MEX3C: variants seen among roughly 807,000 people sequenced by gnomAD.
MEX3C encodes the protein mex-3 RNA binding family member C, also known as RNA-binding E3 ubiquitin-protein ligase MEX3C.
MEX3C carries 15 observed loss-of-function variants against 35.5 expected under a neutral mutation model. The ratio of observed to expected loss-of-function variants is 0.42; its 90% CI spans 0.28 to 0.65. The LOEUF is 0.65. MEX3C is among the 30% of genes least tolerant of loss of function. The pLI, the probability that MEX3C is intolerant of heterozygous loss-of-function variation, is 0.20. For missense variants in MEX3C, 711 were observed against 842.8 expected (o/e 0.84, Z 1.94); for synonymous variants, 390 against 352.8 (o/e 1.11, Z -1.18).
At chr18:51,190,403 G>A (rs1235160790) in intron 1 of MEX3C, among the ~76,000 whole-genome samples, 8 of 152,180 alleles carry the variant, frequency 5.3e-5, no homozygotes, top group Non-Finnish European at 1.0e-4. Flanking sequence ...TTTTCTAGTT[G>A]TTTGAAGCCA....
At chr18:51,194,527 A>G in intron 1 of MEX3C, 1 of 151,936 alleles carries the variant, frequency 6.6e-6, no homozygotes, top group East Asian at 1.9e-4. Context: ...ACTGATTTCT[A>G]TAAAGATTAA....
At chr18:51,188,864 G>A (rs1912595297) in intron 1 of MEX3C, among the ~76,000 whole-genome samples, 1 of 152,166 alleles carries the variant, frequency 6.6e-6, no homozygotes, top group Non-Finnish European at 1.5e-5. Flanking sequence ...AGTGATACAT[G>A]TTCATGTACA....
Position 51,196,980 on chromosome 18 carries a change from T to C in MEX3C, c.341A>G (p.Glu114Gly). The C allele has an allele frequency of 6.5e-7, 1 of 1,535,470 alleles. No homozygotes were observed. ...AELELEEDEE[E>G]GEEAELDGDL... The stretch of plus-strand genomic sequence containing the variant: ...TCCGTCCAGCTCCGCTTCCTCCCCC[T>C]CCTCCTCGTCCTCTTCCAGCTCCAG... Residue 114 changes from glutamate to glycine, a missense_variant, in exon 1 of 2, where the codon GAG (glutamate) becomes GGG (glycine). Glu to Gly is a moderately conservative substitution (Grantham distance 98). This residue lies in a region of MEX3C where 354 missense variants were observed against 311.6 expected (regional missense o/e 1.14). Transcript: ENST00000406189.
Position 51,196,800 on chromosome 18 carries a change from G to C in MEX3C, c.521C>G (p.Ala174Gly). 1 of 1,530,940 alleles carries C rather than the reference G, an allele frequency of 6.5e-7. No homozygotes were observed. The highest frequency in any genetic ancestry group is 8.7e-7 in the Non-Finnish European group (1 of 1,144,264). The allele number at this position is 1,530,940 out of a possible 1,614,324, so 94.8% of individuals were successfully genotyped here. A position where few individuals can be genotyped will look rare whatever the true frequency, so the allele number is the denominator to read the frequency against. ...SVLLPAARFD[A>G]REAAAAAAAA... is the part of the protein sequence containing the mutation. ...CGCCGCCGCGGCCGCCGCCTCCCGG[G>C]CATCGAACCTGGCGGCTGGCAGCAG... Residue 174 changes from alanine to glycine, a missense_variant, in exon 1 of 2, where the codon GCC becomes GGC. Physicochemically the swap from Ala to Gly is moderately conservative, Grantham distance 60 (BLOSUM62 0). Coordinates refer to ENST00000406189, the MANE Select transcript of MEX3C (RefSeq NM_016626.5).
At position 51,196,646 on chromosome 18, in the gene MEX3C, G is replaced by A; in HGVS notation, c.675C>T (p.Leu225=). 1 of 1,575,982 alleles carries A rather than the reference G, an allele frequency of 6.3e-7. No homozygotes were observed. The highest frequency in any genetic ancestry group is 1.1e-5 in the South Asian group (1 of 87,130). Reference sequence around the variant, plus strand: ...CGGTGGTGTTGACGCTCTTTCTCCGGAGCAGGGCCGCCTGCTCCCCGTTCA... The same window carrying A: ...CGGTGGTGTTGACGCTCTTTCTCCGAAGCAGGGCCGCCTGCTCCCCGTTCA... ...AALNGEQAAL[L]RRKSVNTTEC... is the part of the protein sequence containing the mutation. Residue 225 remains leucine (L), a synonymous_variant, in exon 1 of 2, where the codon CTC becomes CTT. Transcript: ENST00000406189.
At position 51,176,681 on chromosome 18, in the gene MEX3C, C is replaced by T. The variant is rs749381108; in HGVS notation, c.1650G>A (p.Glu550=). ...TCCGAGCAAGTGGATGTTCTATGCTCTCAGGAAATGTAGGAGACAGACGAG... is the reference window on the plus strand; with the variant it reads ...TCCGAGCAAGTGGATGTTCTATGCTTTCAGGAAATGTAGGAGACAGACGAG... ...STPRLSPTFP[E]SIEHPLARRV... is the part of the protein sequence containing the mutation. The change falls in exon 2 of 2, where the codon GAG becomes GAA. Residue 550 remains glutamate, a synonymous_variant. Transcript: ENST00000406189. 3.1e-6 allele frequency: 5 copies of T among 1,613,996 alleles called. No homozygotes were observed. The East Asian group carries it at 1.1e-4, about 36-fold the overall frequency.
chr18:51,181,690 G>T (rs894553357), intron 1 of MEX3C, among the ~76,000 whole-genome samples: 1 of 152,172 alleles, frequency 6.6e-6, no homozygotes, highest in Middle Eastern at 3.2e-3. Context: ...ATTATTGTTT[G>T]AATTAGCATG....
In MEX3C at chr18:51,197,490, C is replaced by G. The variant is rs1912847169; in HGVS notation, c.-170G>C. The stretch of plus-strand genomic sequence containing the variant: ...AGGAGCGCCAGGGCCGCCCGGAGAC[C>G]GGAGAGGGCGGGGTGGAGGGGCAGG... On this transcript the variant is annotated 5_prime_UTR_variant, in exon 1 of 2. Coordinates refer to ENST00000406189, the MANE Select transcript of MEX3C (RefSeq NM_016626.5). Among the ~76,000 whole-genome samples the G allele has an allele frequency of 8.6e-6, 1 of 115,972 alleles. No homozygotes were observed. The highest frequency in any genetic ancestry group is 3.1e-4 in the South Asian group (1 of 3,270). 76.1% of individuals were successfully genotyped at this position (115,972 alleles called of 152,430 possible).
Position 51,196,897 on chromosome 18 carries a change from G to A in MEX3C, c.424C>T (p.Leu142=), listed in dbSNP as rs1216614889. ...GTGGCCGCGGGCGGCGACAGCAGCA[G>A]CAGCGACGACCGGTCCTCCTCCTCT... ...EAEEEDRSSL[L]LLSPPAATAS... The change falls in exon 1 of 2, where the codon CTG becomes TTG. Residue 142 remains leucine, a synonymous_variant. Coordinates refer to ENST00000406189, the MANE Select transcript of MEX3C (RefSeq NM_016626.5). 3 of 1,542,076 alleles carry A rather than the reference G, an allele frequency of 1.9e-6. No individual in the cohort carries two copies. The highest frequency in any genetic ancestry group is 2.4e-5 in the South Asian group (2 of 83,804).
In MEX3C at chr18:51,197,102, C is replaced by A; in HGVS notation, c.219G>T (p.Pro73=). The change falls in exon 1 of 2, where the codon CCG becomes CCT. Residue 73 remains proline (P), a synonymous_variant. Coordinates refer to ENST00000406189, the MANE Select transcript of MEX3C (RefSeq NM_016626.5). ...GGGCCTGGCCCTGCGCCGCCGCTGC[C>A]GGGGCCCGAAGCGCCGGGGCGCCGG... ...AEPGAPALRA[P]AAAAQGQARR... is the part of the protein sequence containing the mutation. 8.5e-7 allele frequency: 1 copy of A among 1,182,042 alleles called. No individual in the cohort carries two copies. The highest frequency in any genetic ancestry group is 1.0e-6 in the Non-Finnish European group (1 of 958,578). The allele number at this position is 1,182,042 out of a possible 1,614,324, so 73.2% of individuals were successfully genotyped here. A position where few individuals can be genotyped will look rare whatever the true frequency, so the allele number is the denominator to read the frequency against.
intron 1 of MEX3C, among the ~76,000 whole-genome samples, chr18:51,186,780 CTTGTG>C (rs1305403526): frequency 9.2e-5 from 14 of 151,966 alleles, no homozygotes; most frequent in African/African-American, 3.1e-4. Context: ...ACATCAAGTA[CTTGTG>C]TTGTAGATTT....
At chr18:51,180,478 T>C (rs1244837407) in intron 1 of MEX3C, among the ~76,000 whole-genome samples, 1 of 151,036 alleles carries the variant, frequency 6.6e-6, no homozygotes, top group African/African-American at 2.4e-5. Context: ...CCAACCCTGG[T>C]TTTTTTTTGT....
chr18:51,190,055 T>C (rs561775264), intron 1 of MEX3C, among the ~76,000 whole-genome samples: 2 of 152,340 alleles, frequency 1.3e-5, no homozygotes, highest in South Asian at 2.1e-4. Flanking sequence ...TGTCAATTTC[T>C]ACTAATGCTA....
intron 1 of MEX3C, among the ~76,000 whole-genome samples, chr18:51,179,380 T>G (rs1599250633): frequency 6.6e-6 from 1 of 152,146 alleles, no homozygotes; most frequent in Non-Finnish European, 1.5e-5. Flanking sequence ...TCCAAAGCAT[T>G]CCCAAGCCAC....
At chr18:51,190,839 C>T (rs560058924) in intron 1 of MEX3C, among the ~76,000 whole-genome samples, 1 of 152,220 alleles carries the variant, frequency 6.6e-6, no homozygotes, top group South Asian at 2.1e-4. Flanking sequence ...CTTTGTAAGT[C>T]TCTATATAGT....
chr18:51,188,573 G>C (rs922629743), intron 1 of MEX3C, among the ~76,000 whole-genome samples: 37 of 149,272 alleles, frequency 2.5e-4, no homozygotes, highest in African/African-American at 7.4e-4. Context: ...ACTCCAGCCT[G>C]GGCGACAGAG....
In MEX3C at chr18:51,176,447, G is replaced by A; in HGVS notation, c.1884C>T (p.Phe628=). 1 of 1,614,028 alleles carries A rather than the reference G, an allele frequency of 6.2e-7. No homozygotes were observed. Among genetic ancestry groups the A allele is most frequent in the Non-Finnish European group, 8.5e-7 (1 of 1,179,888 alleles). The change falls in exon 2 of 2, where the codon TTC becomes TTT. Residue 628 remains phenylalanine (F), a synonymous_variant. Coordinates refer to ENST00000406189, the MANE Select transcript of MEX3C (RefSeq NM_016626.5). The part of the protein sequence containing the change: ...AALVPCGHNL[F]CMECANKICE... ...AGATCTTGTTGGCACATTCCATGCAGAAGAGGTTGTGGCCACATGGAACTA... is the reference window on the plus strand; with the variant it reads ...AGATCTTGTTGGCACATTCCATGCAAAAGAGGTTGTGGCCACATGGAACTA...
chr18:51,183,383 A>G lies in MEX3C; in HGVS notation c.755-5807T>C, dbSNP rs76010400. On this transcript the variant is annotated intron_variant, in intron 1 of 1. Transcript: ENST00000406189. ...CACCATGTGATAAAGAATTGAGTTA[A>G]TATTTAGGTCACCAGTAGTGTACAA... Among the ~76,000 whole-genome samples the G allele has an allele frequency of 5.3e-3, 805 of 152,336 alleles. 10 individuals carry two copies. Among genetic ancestry groups the G allele is most frequent in the African/African-American group, 0.018 (764 of 41,562 alleles).
chr18:51,181,289 C>CT (rs1912423629), intron 1 of MEX3C, among the ~76,000 whole-genome samples: 1 of 150,976 alleles, frequency 6.6e-6, no homozygotes, highest in African/African-American at 2.4e-5. Flanking sequence ...TAATTTCTCA[C>CT]TTTCTTACAC....
Sources: gnomAD v4.1 joint callset for allele counts (sites outside exome capture counted in the v4.1 genomes callset) on GRCh38, gnomAD v4.1.1 for gene constraint, gnomAD v4.1.1 regional missense constraint, MANE v1.5 for transcripts, NCBI Gene and HGNC (gene_info 2026-07-23, HGNC 2026-07-21) for gene names.